RAB8B: variants seen among roughly 807,000 people sequenced by gnomAD.
The protein encoded by RAB8B is RAB8B, member RAS oncogene family, also known as ras-related protein Rab-8B.
RAB8B carries 11 observed loss-of-function variants against 32.0 expected under a neutral mutation model. The observed-to-expected ratio is 0.34, with a 90% CI of 0.22 to 0.57. The LOEUF (loss-of-function observed/expected upper bound fraction) is 0.57, where lower values mean the gene tolerates loss of function less well. Among genes scored for constraint, RAB8B ranks in the 20% least tolerant of loss-of-function variants. The pLI is 0.86. For missense variants in RAB8B, 190 were observed against 258.5 expected (o/e 0.73, Z 1.82); for synonymous variants, 103 against 89.6 (o/e 1.15, Z -0.85).
chr15:63,213,423 G>A (rs1427044305), intron 1 of RAB8B, among the ~76,000 whole-genome samples: 1 of 152,138 alleles, frequency 6.6e-6, no homozygotes, highest in Non-Finnish European at 1.5e-5. Context: ...CAGAAAATCT[G>A]TACTGGATAA....
At position 63,263,822 on chromosome 15, in the gene RAB8B, C is replaced by A; in HGVS notation, c.*203C>A. On this transcript the variant is annotated 3_prime_UTR_variant, in exon 8 of 8. Coordinates refer to ENST00000321437, the MANE Select transcript of RAB8B (RefSeq NM_016530.3). ...AGACTCCCTTTTTCAAACATGGAAG[C>A]AATGAAGTGGAGACACATGCAGGAC... 2.0e-6 allele frequency: 1 copy of A among 500,858 alleles called. No individual in the cohort carries two copies. The highest frequency in any genetic ancestry group is 3.6e-6 in the Non-Finnish European group (1 of 281,162). The allele number at this position is 500,858 out of a possible 1,614,324, so 31.0% of individuals were successfully genotyped here.
chr15:63,209,780 T>C (rs1009223382), intron 1 of RAB8B, among the ~76,000 whole-genome samples: 29 of 152,110 alleles, frequency 1.9e-4, no homozygotes, highest in African/African-American at 6.3e-4. Context: ...CTTTAAGTTC[T>C]GGGATACATG....
chr15:63,207,307 G>A lies in RAB8B; in HGVS notation c.124+17559G>A, dbSNP rs558388604. 1.6e-3 allele frequency among the ~76,000 whole-genome samples: 246 copies of A among 152,206 alleles called. 1 individual carries two copies. The highest frequency in any genetic ancestry group is 2.5e-3 in the Non-Finnish European group (173 of 68,014). ...CAGTGCGGGGCACGTATAAGTGCTCGAAAGCTCCCACGTGGTGATGGAGCT... is the reference window on the plus strand; with the variant it reads ...CAGTGCGGGGCACGTATAAGTGCTCAAAAGCTCCCACGTGGTGATGGAGCT... On this transcript the variant is annotated intron_variant, in intron 1 of 7. Coordinates refer to ENST00000321437, the MANE Select transcript of RAB8B (RefSeq NM_016530.3).
intron 1 of RAB8B, among the ~76,000 whole-genome samples, chr15:63,196,983 A>G (rs1595732039): frequency 6.6e-6 from 1 of 152,158 alleles, no homozygotes; most frequent in South Asian, 2.1e-4. Context: ...GTCTCTGCCC[A>G]TTAGCTTCAA....
chr15:63,222,244 T>TA (rs1195135399), intron 1 of RAB8B, among the ~76,000 whole-genome samples: 1 of 152,226 alleles, frequency 6.6e-6, no homozygotes, highest in Non-Finnish European at 1.5e-5. Context: ...TCAGTTCCTA[T>TA]AACACCATCT....
chr15:63,209,803 A>AT (rs2037732659), intron 1 of RAB8B, among the ~76,000 whole-genome samples: 1 of 151,248 alleles, frequency 6.6e-6, no homozygotes, highest in Non-Finnish European at 1.5e-5. Context: ...CAGAATGTGC[A>AT]GGTTTGTTAC....
intron 1 of RAB8B, among the ~76,000 whole-genome samples, chr15:63,224,740 G>A (rs919628487): frequency 3.3e-5 from 5 of 151,932 alleles, no homozygotes; most frequent in Non-Finnish European, 7.4e-5. Flanking sequence ...TTGTGATCGC[G>A]ACATAATCTG....
At chr15:63,229,237 T>G (rs143274823) in intron 1 of RAB8B, among the ~76,000 whole-genome samples, 66 of 152,316 alleles carry the variant, frequency 4.3e-4, no homozygotes, top group African/African-American at 1.5e-3. Flanking sequence ...AGTATTTCTA[T>G]GCATGCCTAA....
intron 1 of RAB8B, among the ~76,000 whole-genome samples, chr15:63,234,421 C>A (rs1200188077): frequency 6.6e-6 from 1 of 152,148 alleles, no homozygotes; most frequent in African/African-American, 2.4e-5. Context: ...TCAATCTGTC[C>A]CTTTACCATG....
chr15:63,217,385 C>T (rs114603858), intron 1 of RAB8B, among the ~76,000 whole-genome samples: 1,745 of 152,062 alleles, frequency 0.011, 32 homozygotes, highest in African/African-American at 0.04. Context: ...GTATTTATTC[C>T]AGCAGCAATT....
At chr15:63,205,126 C>T (rs1049720875) in intron 1 of RAB8B, among the ~76,000 whole-genome samples, 6 of 152,124 alleles carry the variant, frequency 3.9e-5, no homozygotes, top group African/African-American at 9.7e-5. Context: ...GGTGAAACCC[C>T]GTCTCTACAA....
At chr15:63,217,896 G>A (rs2037807241) in intron 1 of RAB8B, among the ~76,000 whole-genome samples, 1 of 152,160 alleles carries the variant, frequency 6.6e-6, no homozygotes, top group Non-Finnish European at 1.5e-5. Context: ...TAGATTGAGA[G>A]TACAGAGCTC....
intron 1 of RAB8B, among the ~76,000 whole-genome samples, chr15:63,212,579 T>C (rs543183322): frequency 6.6e-6 from 1 of 152,260 alleles, no homozygotes; most frequent in South Asian, 2.1e-4. Flanking sequence ...TAAAAAGTGA[T>C]TCATATAACT....
intron 1 of RAB8B, among the ~76,000 whole-genome samples, chr15:63,219,017 T>G (rs1319028053): frequency 7.0e-6 from 1 of 143,438 alleles, no homozygotes; most frequent in African/African-American, 2.6e-5. Context: ...TTTTTTTTTT[T>G]TTTTTTTTTT....
At chr15:63,250,090 T>C (rs1194020612) in intron 3 of RAB8B, among the ~76,000 whole-genome samples, 1 of 152,102 alleles carries the variant, frequency 6.6e-6, no homozygotes. Context: ...GAGCCGAGAT[T>C]GCGCCACTGC....
intron 3 of RAB8B, among the ~76,000 whole-genome samples, chr15:63,254,715 A>G (rs1047136146): frequency 2.1e-4 from 32 of 152,276 alleles, no homozygotes; most frequent in African/African-American, 7.2e-4. Flanking sequence ...GATCGAAACC[A>G]TCCTGGCTAA....
chr15:63,253,928 G>C (rs967536891), intron 3 of RAB8B, among the ~76,000 whole-genome samples: 1 of 152,216 alleles, frequency 6.6e-6, no homozygotes, highest in Non-Finnish European at 1.5e-5. Flanking sequence ...AAGATTCAGA[G>C]GAGACAAGAC....
chr15:63,199,636 A>T (rs1351573650), intron 1 of RAB8B, among the ~76,000 whole-genome samples: 1 of 152,140 alleles, frequency 6.6e-6, no homozygotes, highest in Non-Finnish European at 1.5e-5. Context: ...TTGGCCCTTC[A>T]GCGTTCAACT....
intron 1 of RAB8B, among the ~76,000 whole-genome samples, chr15:63,230,024 T>C (rs2037923101): frequency 6.6e-6 from 1 of 151,806 alleles, no homozygotes; most frequent in South Asian, 2.1e-4. Context: ...TCATTATTGA[T>C]TGGGAAAAAT....
Sources: allele counts gnomAD v4.1 joint callset (sites outside exome capture counted in the v4.1 genomes callset), GRCh38; gene constraint gnomAD v4.1.1; transcripts MANE v1.5; gene names NCBI Gene and HGNC (gene_info 2026-07-23, HGNC 2026-07-21).